HIF3A: variants seen among roughly 807,000 people sequenced by gnomAD.
HIF3A encodes hypoxia inducible factor 3 subunit alpha, also known as hypoxia-inducible factor 3-alpha.
Under a neutral mutation model 67.2 loss-of-function variants are expected in HIF3A, and 41 were observed. The ratio of observed to expected loss-of-function variants is 0.61; its 90% CI spans 0.48 to 0.79. The LOEUF is 0.79. Ranked by LOEUF, HIF3A falls within the 30% of genes least tolerant of loss-of-function variation. HIF3A has a pLI of 0.00. For missense variants in HIF3A, 855 were observed against 898.0 expected, an observed-to-expected ratio of 0.95 and a Z score of 0.61; for synonymous variants, 356 against 374.8, an observed-to-expected ratio of 0.95 and a Z score of 0.58.
chr19:46,311,524 A>T (rs891178790), intron 6 of HIF3A, among the ~76,000 whole-genome samples: 1 of 152,200 alleles, frequency 6.6e-6, no homozygotes, highest in Admixed American at 6.5e-5. Context: ...TGCCTTTTCC[A>T]GCTGCTAGAG....
intron 14 of HIF3A, among the ~76,000 whole-genome samples, chr19:46,336,375 C>T (rs1407764881): frequency 6.7e-6 from 1 of 150,286 alleles, no homozygotes; most frequent in Non-Finnish European, 1.5e-5. Context: ...TACAGGCTTT[C>T]TCTTTTTTTT....
chr19:46,302,834 A>C, intron 1 of HIF3A, among the ~76,000 whole-genome samples: 1 of 152,110 alleles, frequency 6.6e-6, no homozygotes, highest in African/African-American at 2.4e-5. Context: ...TATTCATGCC[A>C]TTGCACTCCA....
In HIF3A at chr19:46,308,178, G is replaced by C. The variant is rs117916105; in HGVS notation, c.364-43G>C. 3.1e-6 allele frequency: 4 copies of C among 1,299,146 alleles called. No homozygotes were observed. The African/African-American group carries it at 4.3e-5, about 14-fold the overall frequency. 80.5% of individuals were successfully genotyped at this position (1,299,146 alleles called of 1,614,324 possible). A position where few individuals can be genotyped will look rare whatever the true frequency, so the allele number is the denominator to read the frequency against. On this transcript the variant is annotated intron_variant, in intron 3 of 14. Coordinates refer to ENST00000377670, the MANE Select transcript of HIF3A (RefSeq NM_152795.4). ...AATGAGGATGGGATGGAGGAGATGG[G>C]TCAGAAGCCCTGGTAGACCCCCACC...
rs551061500 is a variant in HIF3A at position 46,321,851 on chromosome 19, G to A, written c.1220G>A (p.Arg407His). The A allele has an allele frequency of 2.7e-5, 43 of 1,613,872 alleles. No individual in the cohort carries two copies. Among genetic ancestry groups the A allele is most frequent in the African/African-American group, 9.3e-5 (7 of 75,020 alleles). ...GAGGCTGCCCTGGCCGCTGACCCCCGCCGTTTCTGCAGCCCTGACCTCCGT... is the reference window on the plus strand; with the variant it reads ...GAGGCTGCCCTGGCCGCTGACCCCCACCGTTTCTGCAGCCCTGACCTCCGT... ...LSEAALAADP[R>H]RFCSPDLRRL... is the part of the protein sequence containing the mutation. The change falls in exon 10 of 15, where the codon CGC becomes CAC. Residue 407 changes from arginine to histidine, a missense_variant. Arg to His is a conservative substitution (Grantham distance 29). Transcript: ENST00000377670.
intron 1 of HIF3A, chr19:46,303,603 A>G (rs1968521857): frequency 6.4e-7 from 1 of 1,554,888 alleles, no homozygotes; most frequent in African/African-American, 1.4e-5. Flanking sequence ...AACTGCAGAT[A>G]AGTCAGGGAG....
chr19:46,339,492 C>T (rs1013250729), intron 14 of HIF3A, 33 bp from the exon 15 acceptor site: 8 of 1,389,426 alleles, frequency 5.8e-6, no homozygotes, highest in Non-Finnish European at 7.9e-6. Flanking sequence ...CGTCTTTTAC[C>T]TTTCATTTAT....
chr19:46,337,166 G>A (rs988898243), intron 14 of HIF3A, among the ~76,000 whole-genome samples: 1 of 152,118 alleles, frequency 6.6e-6, no homozygotes, highest in African/African-American at 2.4e-5. Flanking sequence ...CCTGGAGTGA[G>A]TCCTGACGAT....
chr19:46,298,829 C>T (rs1273153237), intron 1 of HIF3A, among the ~76,000 whole-genome samples: 3 of 152,190 alleles, frequency 2.0e-5, no homozygotes, highest in Non-Finnish European at 4.4e-5. Context: ...CAAAAGGCAT[C>T]CTTGCCCAGC....
At position 46,297,159 on chromosome 19, in the gene HIF3A, C is replaced by G; in HGVS notation, c.26+57C>G. 1 of 1,041,466 alleles carries G rather than the reference C, an allele frequency of 9.6e-7. No individual in the cohort carries two copies. Among genetic ancestry groups the G allele is most frequent in the Non-Finnish European group, 1.3e-6 (1 of 777,496 alleles). 64.5% of individuals were successfully genotyped at this position (1,041,466 alleles called of 1,614,324 possible). ...ATTGGGGGGCTCTCCTCCTGGAGAC[C>G]CCTGAGCTGGATTGTTGGGGGGGGT... On this transcript the variant is annotated intron_variant, in intron 1 of 14. Transcript: ENST00000377670. This position sits in a 1 kb window ranked among gnomAD's most constrained non-coding sequence, Gnocchi z 4.5.
intron 1 of HIF3A, among the ~76,000 whole-genome samples, chr19:46,299,734 G>A (rs201564939): frequency 8.0e-5 from 11 of 137,508 alleles, no homozygotes; most frequent in African/African-American, 8.1e-5. Context: ...TAGAAAAATA[G>A]AAAAAAAAAA....
rs769776025 is a variant in HIF3A, at chr19:46,298,474, C to T, written c.26+1372C>T. 2.3e-6 allele frequency: 3 copies of T among 1,287,218 alleles called. No homozygotes were observed. In the African/African-American group the frequency reaches 4.6e-5, roughly 20 times the overall value. 79.7% of individuals were successfully genotyped at this position (1,287,218 alleles called of 1,614,324 possible). On this transcript the variant is annotated intron_variant, in intron 1 of 14. Transcript: ENST00000377670. The stretch of plus-strand genomic sequence containing the variant: ...TGGCTGCACCGCATCCCCTCCTGCA[C>T]CCCCTGGATGGCCCTTCAGCCAACG...
intron 10 of HIF3A, among the ~76,000 whole-genome samples, chr19:46,323,644 C>T (rs769045118): frequency 1.3e-5 from 2 of 152,054 alleles, no homozygotes; most frequent in East Asian, 1.9e-4. Context: ...TCTGTCTTCA[C>T]GCTGCTGCTA....
In HIF3A at chr19:46,339,531, G is replaced by A; in HGVS notation, c.1919G>A (p.Gly640Asp). Reference protein sequence around the residue: ...LLNLNEPLGLGPSLLSPYSDE... With the variant: ...LLNLNEPLGLDPSLLSPYSDE... The stretch of plus-strand genomic sequence containing the variant: ...TTATCTTTCATCTTTGCAGGCCTGG[G>A]CCCCTCACTGCTCTCTCCGTACTCA... The change falls in exon 15 of 15, where the codon GGC becomes GAC. Residue 640 changes from glycine (G) to aspartate (D), a missense_variant. Transcript: ENST00000377670. The A allele has an allele frequency of 6.3e-7, 1 of 1,583,214 alleles. No homozygotes were observed.
intron 1 of HIF3A, among the ~76,000 whole-genome samples, chr19:46,300,275 G>A (rs996300112): frequency 6.6e-6 from 1 of 152,172 alleles, no homozygotes; most frequent in Non-Finnish European, 1.5e-5. Flanking sequence ...CCACACTATG[G>A]GGCGTGTAGA....
intron 8 of HIF3A, among the ~76,000 whole-genome samples, chr19:46,317,353 C>T (rs1474918207): frequency 6.6e-6 from 1 of 152,106 alleles, no homozygotes; most frequent in African/African-American, 2.4e-5. Flanking sequence ...CCATGCCAGG[C>T]CTACAAATCA....
In HIF3A at chr19:46,320,550, G is replaced by A. The variant is rs755580944; in HGVS notation, c.1133G>A (p.Gly378Glu). 6.2e-7 allele frequency: 1 copy of A among 1,613,680 alleles called. No homozygotes were observed. The highest frequency in any genetic ancestry group is 8.5e-7 in the Non-Finnish European group (1 of 1,179,642). Reference protein sequence around the residue: ...APSQKDTPNPGDSLDTPGPRI... With the variant: ...APSQKDTPNPEDSLDTPGPRI... ...TCTCAGAAGGACACCCCTAACCCTGGGGACAGCCTTGGTATGGGGCAGGGC... is the reference window on the plus strand; with the variant it reads ...TCTCAGAAGGACACCCCTAACCCTGAGGACAGCCTTGGTATGGGGCAGGGC... Residue 378 changes from glycine to glutamate, a missense_variant, in exon 9 of 15, where the codon GGG becomes GAG. By Grantham distance (98) the Gly-to-Glu change is moderately conservative. Coordinates refer to ENST00000377670, the MANE Select transcript of HIF3A (RefSeq NM_152795.4).
chr19:46,298,852 C>T (rs536240131), intron 1 of HIF3A, among the ~76,000 whole-genome samples: 1 of 152,034 alleles, frequency 6.6e-6, no homozygotes, highest in East Asian at 2.0e-4. Flanking sequence ...CAACCTAAAC[C>T]CCCACCCACC....
In HIF3A at chr19:46,323,017, G is replaced by A. The variant is rs535415458; in HGVS notation, c.1335+1051G>A. Among the ~76,000 whole-genome samples, 11 of 150,812 alleles carry A rather than the reference G, an allele frequency of 7.3e-5. 1 individual carries two copies. The South Asian group carries it at 8.5e-4, about 12-fold the overall frequency. On this transcript the variant is annotated intron_variant, in intron 10 of 14. Transcript: ENST00000377670. ...TCAGCATTCCTTCCCCCAGGGTATC[G>A]GGCAGGACCCTCTCTGGGGACAGTG...
intron 1 of HIF3A, chr19:46,298,205 A>ACCCCCCCCCCCCCCCCC: frequency 3.3e-6 from 1 of 303,412 alleles, no homozygotes; most frequent in Non-Finnish European, 6.5e-6. Context: ...CATGTTTCTA[A>ACCCCCCCCCCCCCCCCC]CCGCCCCCAT....
Sources: gnomAD v4.1 joint callset for allele counts (sites outside exome capture counted in the v4.1 genomes callset) on GRCh38, gnomAD v4.1.1 for gene constraint, Gnocchi (gnomAD v3.1) non-coding constraint, MANE v1.5 for transcripts, NCBI Gene and HGNC (gene_info 2026-07-23, HGNC 2026-07-21) for gene names.